Variants in PTPRG observed in about 807,000 individuals in gnomAD.
PTPRG encodes receptor-type tyrosine-protein phosphatase gamma.
In PTPRG, 102 loss-of-function variants were observed where a neutral mutation model predicts 165.3. The ratio of observed to expected loss-of-function variants is 0.62; its 90% CI spans 0.53 to 0.73. PTPRG has a LOEUF of 0.73. Among genes scored for constraint, PTPRG ranks in the 30% least tolerant of loss-of-function variants. PTPRG has a pLI of 0.00. For synonymous variants in PTPRG, 675 were observed against 669.5 expected (o/e 1.01, Z -0.13); for missense variants, 1,866 against 1,861.4 (o/e 1.00, Z -0.05).
At position 62,255,018 on chromosome 3, in the gene PTPRG, C is replaced by T. The variant is rs1021690702; in HGVS notation, c.2468-106C>T. ...TTTTGTGTGATACAATTATTTTGCTCTTTGCAAAAATCAAGTATTTGTCTT... is the reference window on the plus strand; with the variant it reads ...TTTTGTGTGATACAATTATTTTGCTTTTTGCAAAAATCAAGTATTTGTCTT... On this transcript the variant is annotated intron_variant, in intron 15 of 29. Transcript: ENST00000474889. This position sits in a 1 kb window ranked among gnomAD's most constrained non-coding sequence, Gnocchi z 4.0. 7.7e-6 allele frequency: 7 copies of T among 910,192 alleles called. No homozygotes were observed. The highest frequency in any genetic ancestry group is 1.2e-5 in the Non-Finnish European group (7 of 600,526). The allele number at this position is 910,192 out of a possible 1,614,324, so 56.4% of individuals were successfully genotyped here. A position where few individuals can be genotyped will look rare whatever the true frequency, so the allele number is the denominator to read the frequency against.
chr3:61,678,973 T>G (rs958164802), intron 1 of PTPRG, among the ~76,000 whole-genome samples: 8 of 152,082 alleles, frequency 5.3e-5, no homozygotes, highest in African/African-American at 1.9e-4. Context: ...TAATGGCTTT[T>G]TTTCCCCCCG....
chr3:62,249,397 AG>A (rs1363064845), intron 15 of PTPRG, among the ~76,000 whole-genome samples: 3 of 151,994 alleles, frequency 2.0e-5, no homozygotes, highest in Non-Finnish European at 4.4e-5. Flanking sequence ...TTGTTGGAGC[AG>A]GGTGGAGGGA....
intron 1 of PTPRG, among the ~76,000 whole-genome samples, chr3:61,563,411 C>T (rs2886519): frequency 0.69 from 104,410 of 151,784 alleles, 36,532 homozygotes; most frequent in East Asian, 0.87. Context: ...CTCCTCTCTC[C>T]CCTGGGGAGG....
chr3:61,671,801 G>A (rs1703002784), intron 1 of PTPRG, among the ~76,000 whole-genome samples: 1 of 142,606 alleles, frequency 7.0e-6, no homozygotes, highest in African/African-American at 2.6e-5. Context: ...GGATGGGGCG[G>A]CTGGCCGGGC....
intron 4 of PTPRG, among the ~76,000 whole-genome samples, chr3:62,011,973 G>A (rs2041433329): frequency 6.6e-6 from 1 of 152,206 alleles, no homozygotes; most frequent in African/African-American, 2.4e-5. Flanking sequence ...ACCTGGTTAA[G>A]TTGGAGATAC....
At chr3:61,878,197 A>T (rs768618948) in intron 2 of PTPRG, among the ~76,000 whole-genome samples, 3 of 152,224 alleles carry the variant, frequency 2.0e-5, no homozygotes, top group Non-Finnish European at 1.5e-5. Context: ...TTGCTATGTC[A>T]CATGGAAAGA....
intron 2 of PTPRG, among the ~76,000 whole-genome samples, chr3:61,946,846 G>A (rs1424608949): frequency 2.0e-5 from 3 of 152,074 alleles, no homozygotes; most frequent in Non-Finnish European, 2.9e-5. Flanking sequence ...AGCTCCTTAC[G>A]GTATCTTCCC....
chr3:61,719,170 A>G (rs2031943730), intron 1 of PTPRG, among the ~76,000 whole-genome samples: 1 of 152,236 alleles, frequency 6.6e-6, no homozygotes, highest in Admixed American at 6.5e-5. Context: ...GTACGATCTT[A>G]CAATGGAGAG....
chr3:61,968,376 C>G (rs2040315441), intron 2 of PTPRG, among the ~76,000 whole-genome samples: 1 of 152,078 alleles, frequency 6.6e-6, no homozygotes, highest in South Asian at 2.1e-4. Context: ...TTGTTCATCC[C>G]TTTTTGACGC....
intron 1 of PTPRG, among the ~76,000 whole-genome samples, chr3:61,621,007 T>G (rs565267446): frequency 2.2e-5 from 3 of 135,240 alleles, no homozygotes; most frequent in East Asian, 4.6e-4. Flanking sequence ...AAAAAAAAAT[T>G]TGGACCCATG....
Position 61,967,603 on chromosome 3 carries a change from C to A in PTPRG, c.191-22022C>A, listed in dbSNP as rs1466470920. The stretch of plus-strand genomic sequence containing the variant: ...GTATATAGTTAAAAGCAGAAAAGGG[C>A]TAATGGCATAATAATTTATAATCAT... On this transcript the variant is annotated intron_variant, in intron 2 of 29. Coordinates refer to ENST00000474889, the MANE Select transcript of PTPRG (RefSeq NM_002841.4). 2.6e-5 allele frequency among the ~76,000 whole-genome samples: 4 copies of A among 152,140 alleles called. 1 individual carries two copies.
At chr3:62,047,635 TTATG>T (rs1197840786) in intron 4 of PTPRG, among the ~76,000 whole-genome samples, 1 of 152,184 alleles carries the variant, frequency 6.6e-6, no homozygotes, top group Non-Finnish European at 1.5e-5. Context: ...AGTTCAAGTT[TTATG>T]TAAGTTCTCT....
rs1048888224 is a variant in PTPRG, at chr3:61,855,437, C to A, written c.190+106455C>A. Among the ~76,000 whole-genome samples, 14 of 152,134 alleles carry A rather than the reference C, an allele frequency of 9.2e-5. 1 individual carries two copies. The highest frequency in any genetic ancestry group is 7.9e-4 in the Admixed American group (12 of 15,278). On this transcript the variant is annotated intron_variant, in intron 2 of 29. Transcript: ENST00000474889. ...CTTCCAAAACAGCAGGATTCTTGCC[C>A]AAGTCTGGTGGTTTTCAAAGTGTGT...
chr3:62,278,204 C>T (rs943476476), intron 26 of PTPRG, among the ~76,000 whole-genome samples: 1 of 152,200 alleles, frequency 6.6e-6, no homozygotes, highest in East Asian at 1.9e-4. Context: ...AGTCATCTGT[C>T]TCCAGAGACC....
chr3:61,954,450 T>C (rs933951783), intron 2 of PTPRG, among the ~76,000 whole-genome samples: 3 of 152,164 alleles, frequency 2.0e-5, no homozygotes, highest in East Asian at 3.9e-4. Context: ...GGGAAAGCTA[T>C]TAATACCATC....
At chr3:62,152,486 A>G (rs1013172745) in intron 6 of PTPRG, among the ~76,000 whole-genome samples, 35 of 152,214 alleles carry the variant, frequency 2.3e-4, no homozygotes, top group Non-Finnish European at 8.8e-5. Flanking sequence ...TTGAGCCCCT[A>G]TGGCTTAAGC....
In PTPRG at chr3:61,582,889, A is replaced by G. The variant is rs372354220; in HGVS notation, c.85+20517A>G. 5.9e-5 allele frequency among the ~76,000 whole-genome samples: 9 copies of G among 152,340 alleles called. No individual in the cohort carries two copies. The East Asian group carries it at 1.5e-3, about 26-fold the overall frequency. ...TCCCTAAAGCAATGTGTTGCAGTGT[A>G]AGACTGAAGCTAATAACATGCTGAA... On this transcript the variant is annotated intron_variant, in intron 1 of 29. Transcript: ENST00000474889.
At chr3:62,045,283 C>A (rs976861020) in intron 4 of PTPRG, among the ~76,000 whole-genome samples, 2 of 152,102 alleles carry the variant, frequency 1.3e-5, no homozygotes, top group South Asian at 2.1e-4. Context: ...CCATCACAAC[C>A]AATTAAGGCT....
intron 2 of PTPRG, among the ~76,000 whole-genome samples, chr3:61,848,787 A>G (rs1253060424): frequency 2.0e-5 from 3 of 152,122 alleles, no homozygotes; most frequent in Non-Finnish European, 4.4e-5. Context: ...TGTGTAAAAT[A>G]CCTGTACTGT....
Sources: allele counts gnomAD v4.1 joint callset (sites outside exome capture counted in the v4.1 genomes callset), GRCh38; gene constraint gnomAD v4.1.1; non-coding constraint Gnocchi (gnomAD v3.1); transcripts MANE v1.5; gene names NCBI Gene and HGNC (gene_info 2026-07-23, HGNC 2026-07-21).